Variants in TRIM14 observed in about 807,000 individuals in gnomAD.
The protein encoded by TRIM14 is tripartite motif containing 14.
TRIM14 carries 28 observed loss-of-function variants against 44.5 expected under a neutral mutation model. That is an observed-to-expected ratio of 0.63 (90% CI 0.47 to 0.86). TRIM14 has a LOEUF of 0.86. Among genes scored for constraint, TRIM14 ranks in the 40% least tolerant of loss-of-function variants. TRIM14 has a pLI of 0.00. For missense variants in TRIM14, 607 were observed against 611.1 expected (o/e 0.99, Z 0.07); for synonymous variants, 299 against 269.2 (o/e 1.11, Z -1.08).
chr9:98,041,752 G>A, the TRIM14 span, among the ~76,000 whole-genome samples: 3 of 150,734 alleles, frequency 2.0e-5, no homozygotes, highest in Admixed American at 1.3e-4. Context: ...GCACAATCTC[G>A]GCTCACTGCA....
At chr9:98,114,356 CAG>C (rs1826968749) in intron 1 of TRIM14, among the ~76,000 whole-genome samples, 1 of 151,570 alleles carries the variant, frequency 6.6e-6, no homozygotes, top group Non-Finnish European at 1.5e-5. Flanking sequence ...TTTTTTGAGA[CAG>C]AGTCTCATTC....
the TRIM14 span, among the ~76,000 whole-genome samples, chr9:98,047,709 A>G: frequency 3.9e-5 from 6 of 152,110 alleles, no homozygotes; most frequent in Non-Finnish European, 8.8e-5. Flanking sequence ...AATGGCAATT[A>G]TGGGGGAATT....
chr9:98,110,677 G>A (rs1049515317), intron 1 of TRIM14, among the ~76,000 whole-genome samples: 83 of 151,930 alleles, frequency 5.5e-4, no homozygotes, highest in African/African-American at 1.9e-3. Context: ...CAGGGAGCAG[G>A]GTGTGACCAG....
At chr9:98,064,861 G>A (rs1427173027), downstream of TRIM14, among the ~76,000 whole-genome samples, 1 of 152,184 alleles carries the variant, frequency 6.6e-6, no homozygotes, top group African/African-American at 2.4e-5. Flanking sequence ...CACCACGCTC[G>A]GTACCAGTTC....
the TRIM14 span, among the ~76,000 whole-genome samples, chr9:98,057,534 C>T: frequency 6.6e-6 from 1 of 152,148 alleles, no homozygotes; most frequent in Admixed American, 6.5e-5. Flanking sequence ...AACCCTTTTC[C>T]CCATTTGAAA....
the TRIM14 span, chr9:98,060,683 T>C: frequency 9.0e-7 from 1 of 1,114,166 alleles, no homozygotes; most frequent in Non-Finnish European, 1.3e-6. Context: ...AATAAATAAA[T>C]AAATAAAGAT....
At chr9:98,053,434 A>C in the TRIM14 span, among the ~76,000 whole-genome samples, 1 of 152,192 alleles carries the variant, frequency 6.6e-6, no homozygotes, top group East Asian at 1.9e-4. Flanking sequence ...GTAAGTGACC[A>C]GCCTGCTGAA....
chr9:98,038,945 G>C, the TRIM14 span, among the ~76,000 whole-genome samples: 2 of 152,118 alleles, frequency 1.3e-5, no homozygotes, highest in African/African-American at 4.8e-5. Context: ...AGCTACTGGG[G>C]AGGCTGAGGC....
the TRIM14 span, among the ~76,000 whole-genome samples, chr9:98,049,822 A>G: frequency 6.6e-6 from 1 of 152,160 alleles, no homozygotes; most frequent in African/African-American, 2.4e-5. Flanking sequence ...GCCTTATTTT[A>G]TCTAGCCCCC....
chr9:98,053,625 GT>G, the TRIM14 span, among the ~76,000 whole-genome samples: 2 of 139,548 alleles, frequency 1.4e-5, no homozygotes, highest in Non-Finnish European at 3.0e-5. Flanking sequence ...AGAGGAGACA[GT>G]GATGTTTAAC....
At chr9:98,073,233 C>G (rs553733386) in intron 6 of TRIM14, among the ~76,000 whole-genome samples, 25 of 150,666 alleles carry the variant, frequency 1.7e-4, no homozygotes, top group Non-Finnish European at 3.2e-4. Context: ...CTACACCCTT[C>G]CCCTGACTCC....
chr9:98,040,689 G>A, the TRIM14 span, among the ~76,000 whole-genome samples: 22 of 148,492 alleles, frequency 1.5e-4, no homozygotes, highest in African/African-American at 4.7e-4. Flanking sequence ...ACGGAGTCTC[G>A]CTGTGTCACC....
the TRIM14 span, chr9:98,060,739 A>C: frequency 6.3e-7 from 1 of 1,585,252 alleles, no homozygotes; most frequent in Non-Finnish European, 8.6e-7. Context: ...TTTTTTTGAG[A>C]ATCTACGACA....
Position 98,109,792 on chromosome 9 carries a change from T to C in TRIM14, c.303+97A>G, listed in dbSNP as rs2118617023. The C allele has an allele frequency of 6.2e-6, 6 of 963,068 alleles. No homozygotes were observed. The East Asian group carries it at 1.2e-4, about 19-fold the overall frequency. 59.7% of individuals were successfully genotyped at this position (963,068 alleles called of 1,614,324 possible). ...GGCCCCACCATCTGCCCCTTCGCAG[T>C]TGGTTTTTATTTTCATTGGCTCCAT... On this transcript the variant is annotated intron_variant, in intron 2 of 5. Coordinates refer to ENST00000341469, the MANE Select transcript of TRIM14 (RefSeq NM_014788.4).
the TRIM14 span, among the ~76,000 whole-genome samples, chr9:98,041,975 G>T: frequency 6.6e-6 from 1 of 151,512 alleles, no homozygotes; most frequent in South Asian, 2.1e-4. Flanking sequence ...GAGCCACCGC[G>T]CCTGGCCTAA....
At chr9:98,068,827 CT>C (rs1379613223), downstream of TRIM14, among the ~76,000 whole-genome samples, 2 of 84,860 alleles carry the variant, frequency 2.4e-5, no homozygotes, top group African/African-American at 1.1e-4. Context: ...GATCCTGTCT[CT>C]AAAAAAAAAA....
intron 1 of TRIM14, 57 bp from the exon 2 acceptor site, chr9:98,110,041 GC>G: frequency 3.7e-6 from 5 of 1,343,614 alleles, no homozygotes; most frequent in Admixed American, 1.7e-5. Context: ...CAAATAACAG[GC>G]CCCCCACAGG....
chr9:98,112,431 T>C (rs1826884700), intron 1 of TRIM14, among the ~76,000 whole-genome samples: 1 of 152,138 alleles, frequency 6.6e-6, no homozygotes, highest in African/African-American at 2.4e-5. Context: ...AAACTGAAGA[T>C]TTAAGCAAAT....
chr9:98,065,640 C>CTT (rs751144623), downstream of TRIM14, among the ~76,000 whole-genome samples: 2,931 of 143,946 alleles, frequency 0.02, 99 homozygotes, highest in African/African-American at 0.071. Context: ...CATCCAGCTG[C>CTT]TTTTTTTTTT....
Sources: gnomAD v4.1 joint callset for allele counts (sites outside exome capture counted in the v4.1 genomes callset) on GRCh38, gnomAD v4.1.1 for gene constraint, MANE v1.5 for transcripts, NCBI Gene and HGNC (gene_info 2026-07-23, HGNC 2026-07-21) for gene names.